Variants in APCDD1 observed in about 807,000 individuals in gnomAD.
APCDD1 encodes the protein APC down-regulated 1.
APCDD1 carries 15 observed loss-of-function variants against 38.1 expected under a neutral mutation model. The observed-to-expected ratio is 0.39, with a 90% CI of 0.26 to 0.61. The LOEUF (loss-of-function observed/expected upper bound fraction) is 0.61, where lower values mean the gene tolerates loss of function less well. Among genes scored for constraint, APCDD1 ranks in the 20% least tolerant of loss-of-function variants. APCDD1 has a pLI of 0.49. For missense variants in APCDD1, 647 were observed against 696.2 expected, an observed-to-expected ratio of 0.93 and a Z score of 0.79; for synonymous variants, 261 against 279.7, an observed-to-expected ratio of 0.93 and a Z score of 0.67.
Position 10,485,859 on chromosome 18 carries a change from G to A in APCDD1, c.1096+76G>A, listed in dbSNP as rs9949016. On this transcript the variant is annotated intron_variant, in intron 4 of 4. Coordinates refer to ENST00000355285, the MANE Select transcript of APCDD1 (RefSeq NM_153000.5). The surrounding 1 kb of genome is among the most constrained non-coding windows in gnomAD (Gnocchi z 5.8). ...GACATTTTTGTGGAGGCAGAGCTGA[G>A]GGAAAGGACCTCTTTTCTGCCTGAG... is the stretch of plus-strand genomic sequence containing the variant. 7,739 of 1,500,564 alleles carry A rather than the reference G, an allele frequency of 5.2e-3. 298 individuals carry two copies. In the African/African-American group the frequency reaches 0.087, roughly 17 times the overall value. 93.0% of individuals were successfully genotyped at this position (1,500,564 alleles called of 1,614,324 possible). A position where few individuals can be genotyped will look rare whatever the true frequency, so the allele number is the denominator to read the frequency against.
Position 10,472,620 on chromosome 18 carries a change from C to T in APCDD1, c.774+559C>T, listed in dbSNP as rs188487723. ...TGCTGAGGTCCCAGGGGTTATGGCT[C>T]CTGCCCAGGCCACGCGGCTACTGAG... On this transcript the variant is annotated intron_variant, in intron 3 of 4. Coordinates refer to ENST00000355285, the MANE Select transcript of APCDD1 (RefSeq NM_153000.5). The surrounding 1 kb of genome is among the most constrained non-coding windows in gnomAD (Gnocchi z 6.6). Among the ~76,000 whole-genome samples the T allele has an allele frequency of 1.3e-5, 2 of 152,268 alleles. No individual in the cohort carries two copies. Among genetic ancestry groups the T allele is most frequent in the East Asian group, 3.9e-4 (2 of 5,180 alleles).
intron 1 of APCDD1, among the ~76,000 whole-genome samples, chr18:10,462,225 A>G (rs1406098561): frequency 2.0e-5 from 3 of 152,214 alleles, no homozygotes; most frequent in Non-Finnish European, 4.4e-5. Context: ...TAATAGGTGT[A>G]CTCACACGGG....
chr18:10,477,907 AC>A (rs2031042746), intron 3 of APCDD1: 2 of 152,216 alleles, frequency 1.3e-5, no homozygotes, highest in South Asian at 4.1e-4. Flanking sequence ...CTCTTAAAGA[AC>A]CATCTTCTTA....
Position 10,488,662 on chromosome 18 carries a change from A to G in APCDD1, c.*624A>G, listed in dbSNP as rs1482184681. On this transcript the variant is annotated 3_prime_UTR_variant, in exon 5 of 5. Transcript: ENST00000355285. ...CTTTCATTTCAGAAATGTTGCGTGG[A>G]AAAGTATCTGTAATTAAAGTTTCGA... is the stretch of plus-strand genomic sequence containing the variant. 1.3e-5 allele frequency: 2 copies of G among 152,326 alleles called. No homozygotes were observed. The highest frequency in any genetic ancestry group is 4.8e-5 in the African/African-American group (2 of 41,462). 9.4% of individuals were successfully genotyped at this position (152,326 alleles called of 1,614,324 possible).
At chr18:10,456,404 C>G (rs534606139) in intron 1 of APCDD1, among the ~76,000 whole-genome samples, 15 of 152,226 alleles carry the variant, frequency 9.9e-5, no homozygotes, top group Admixed American at 4.6e-4. Context: ...ACAGATCAAA[C>G]AGCAGCTGCC....
rs546187326 is a variant in APCDD1 at position 10,485,377 on chromosome 18, G to A, written c.775-85G>A. ...GTCAGTGATGGTGATCTGGTGCCTG[G>A]TGAGACCCCATTTGCCGGAAGCATG... On this transcript the variant is annotated intron_variant, in intron 3 of 4. Transcript: ENST00000355285. The surrounding 1 kb of genome is among the most constrained non-coding windows in gnomAD (Gnocchi z 5.8). The A allele has an allele frequency of 2.7e-6, 4 of 1,477,406 alleles. No individual in the cohort carries two copies. The highest frequency in any genetic ancestry group is 4.5e-5 in the East Asian group (2 of 44,298). The allele number at this position is 1,477,406 out of a possible 1,614,324, so 91.5% of individuals were successfully genotyped here. A position where few individuals can be genotyped will look rare whatever the true frequency, so the allele number is the denominator to read the frequency against.
At position 10,487,898 on chromosome 18, in the gene APCDD1, T is replaced by G; in HGVS notation, c.1405T>G (p.Ser469Ala). ...YQMPLVQCAS[S>A]SPRAEDLAED... ...GATGCCCTTGGTCCAGTGTGCCTCC[T>G]CTTCGCCGAGGGCAGAGGACCTCGC... Residue 469 changes from serine to alanine, a missense_variant, in exon 5 of 5, where the codon TCT becomes GCT. Physicochemically the swap from Ser to Ala is moderately conservative, Grantham distance 99. Transcript: ENST00000355285. 1 of 1,613,386 alleles carries G rather than the reference T, an allele frequency of 6.2e-7. No individual in the cohort carries two copies. Among genetic ancestry groups the G allele is most frequent in the Non-Finnish European group, 8.5e-7 (1 of 1,179,710 alleles).
Position 10,454,752 on chromosome 18 carries a change from G to A in APCDD1, c.-230G>A, listed in dbSNP as rs1456145178. On this transcript the variant is annotated 5_prime_UTR_variant, in exon 1 of 5. Transcript: ENST00000355285. ...AGAAGTCGGGGCGGGCGGCAGAGAG[G>A]CCGGGACGCGGACCGGGCCGGGGCG... is the stretch of plus-strand genomic sequence containing the variant. The A allele has an allele frequency of 3.1e-6, 3 of 980,854 alleles. No individual in the cohort carries two copies. The highest frequency in any genetic ancestry group is 1.8e-5 in the African/African-American group (1 of 56,732). The allele number at this position is 980,854 out of a possible 1,614,324, so 60.8% of individuals were successfully genotyped here. A position where few individuals can be genotyped will look rare whatever the true frequency, so the allele number is the denominator to read the frequency against.
chr18:10,458,714 G>C (rs1394731262), intron 1 of APCDD1, among the ~76,000 whole-genome samples: 1 of 152,218 alleles, frequency 6.6e-6, no homozygotes. Flanking sequence ...GGGACAGACT[G>C]ATGACAATAT....
chr18:10,465,141 T>C (rs1242926985), intron 1 of APCDD1, among the ~76,000 whole-genome samples: 1 of 152,216 alleles, frequency 6.6e-6, no homozygotes, highest in East Asian at 1.9e-4. Flanking sequence ...GACTGCAAGA[T>C]ACCCATCTTT....
rs1415708977 is a variant in APCDD1, at chr18:10,476,164, G to T, written c.774+4103G>T. 6.6e-6 allele frequency: 1 copy of T among 152,220 alleles called. No homozygotes were observed. Among genetic ancestry groups the T allele is most frequent in the Admixed American group, 6.5e-5 (1 of 15,276 alleles). 9.4% of individuals were successfully genotyped at this position (152,220 alleles called of 1,614,324 possible). A position where few individuals can be genotyped will look rare whatever the true frequency, so the allele number is the denominator to read the frequency against. On this transcript the variant is annotated intron_variant, in intron 3 of 4. Coordinates refer to ENST00000355285, the MANE Select transcript of APCDD1 (RefSeq NM_153000.5). The surrounding 1 kb of genome is among the most constrained non-coding windows in gnomAD (Gnocchi z 5.8). ...TTTGAACTCTTCTACTTCCCTAATT[G>T]CTGGTCCATAGAGACCAAGCTGAAA...
chr18:10,480,125 A>C (rs1396578811), intron 3 of APCDD1, among the ~76,000 whole-genome samples: 1 of 152,172 alleles, frequency 6.6e-6, no homozygotes, highest in African/African-American at 2.4e-5. Flanking sequence ...ATTCGGGGAA[A>C]GGGGATGCCG....
At chr18:10,456,103 T>G (rs2030375342) in intron 1 of APCDD1, among the ~76,000 whole-genome samples, 1 of 152,202 alleles carries the variant, frequency 6.6e-6, no homozygotes, top group African/African-American at 2.4e-5. Flanking sequence ...GAAGAATTGT[T>G]AACCCACAAG....
At position 10,484,853 on chromosome 18, in the gene APCDD1, G is replaced by A. The variant is rs375104399; in HGVS notation, c.775-609G>A. Among the ~76,000 whole-genome samples, 4 of 152,124 alleles carry A rather than the reference G, an allele frequency of 2.6e-5. No homozygotes were observed. The East Asian group carries it at 7.7e-4, about 29-fold the overall frequency. ...ACACTTGGGTTGCTTCTACCTTTTGGTTATTGTAAATAACCCTGATGTGAA... is the reference window on the plus strand; with the variant it reads ...ACACTTGGGTTGCTTCTACCTTTTGATTATTGTAAATAACCCTGATGTGAA... On this transcript the variant is annotated intron_variant, in intron 3 of 4. Coordinates refer to ENST00000355285, the MANE Select transcript of APCDD1 (RefSeq NM_153000.5).
Position 10,454,847 on chromosome 18 carries a change from G to T in APCDD1, c.-135G>T. On this transcript the variant is annotated 5_prime_UTR_variant, in exon 1 of 5. Transcript: ENST00000355285. ...CCCGCGCCTAGCCCGCCGGGCATGG[G>T]GCGCGCGGCAGCCGCCTGAAGCCCC... 9.5e-7 allele frequency: 1 copy of T among 1,054,978 alleles called. No individual in the cohort carries two copies. Among genetic ancestry groups the T allele is most frequent in the South Asian group, 4.4e-5 (1 of 22,798 alleles). The allele number at this position is 1,054,978 out of a possible 1,614,324, so 65.4% of individuals were successfully genotyped here.
chr18:10,468,330 A>G lies in APCDD1; in HGVS notation c.59-139A>G, dbSNP rs3748417. On this transcript the variant is annotated intron_variant, in intron 1 of 4. Coordinates refer to ENST00000355285, the MANE Select transcript of APCDD1 (RefSeq NM_153000.5). The stretch of plus-strand genomic sequence containing the variant: ...TGGAATGTGCATCATACACGAGAGC[A>G]CGCACTGTGATGACACCTTGTAGAA... The G allele has an allele frequency of 0.15, 136,215 of 900,672 alleles. 11,469 individuals carry two copies. The highest frequency in any genetic ancestry group is 0.29 in the African/African-American group (17,895 of 61,360). The allele number at this position is 900,672 out of a possible 1,614,324, so 55.8% of individuals were successfully genotyped here.
In APCDD1 at chr18:10,485,707, C is replaced by T. The variant is rs1327001209; in HGVS notation, c.1020C>T (p.Ser340=). ...SDPVCKHPTF[S]IYARGRYSRG... ...CGGTGTGCAAGCACCCCACCTTCTC[C>T]ATCTACGCCCGGGGCCGCTACAGCC... The change falls in exon 4 of 5, where the codon TCC becomes TCT. Residue 340 remains serine, a synonymous_variant. Transcript: ENST00000355285. The surrounding 1 kb of genome is among the most constrained non-coding windows in gnomAD (Gnocchi z 5.8). 6.2e-7 allele frequency: 1 copy of T among 1,614,024 alleles called. No individual in the cohort carries two copies. The highest frequency in any genetic ancestry group is 8.5e-7 in the Non-Finnish European group (1 of 1,180,038).
At chr18:10,460,235 GA>G (rs2030498742) in intron 1 of APCDD1, among the ~76,000 whole-genome samples, 1 of 152,220 alleles carries the variant, frequency 6.6e-6, no homozygotes, top group African/African-American at 2.4e-5. Context: ...CTTTGTTGAG[GA>G]CGGGCACGGT....
Position 10,485,738 on chromosome 18 carries a change from G to A in APCDD1, c.1051G>A (p.Val351Ile), listed in dbSNP as rs116815061. ...CGCCCGGGGCCGCTACAGCCGCGGCGTCCTCTCGTCCAGGGTCATGGGAGG... is the reference window on the plus strand; with the variant it reads ...CGCCCGGGGCCGCTACAGCCGCGGCATCCTCTCGTCCAGGGTCATGGGAGG... ...IYARGRYSRG[V>I]LSSRVMGGTE... The change falls in exon 4 of 5, where the codon GTC becomes ATC. Residue 351 changes from valine (V) to isoleucine (I), a missense_variant. By Grantham distance (29) the Val-to-Ile change is conservative. Transcript: ENST00000355285. The surrounding 1 kb of genome is among the most constrained non-coding windows in gnomAD (Gnocchi z 5.8). 1,217 of 1,613,948 alleles carry A rather than the reference G, an allele frequency of 7.5e-4. 3 individuals carry two copies. In the African/African-American group the frequency reaches 0.014, roughly 18 times the overall value.
Sources: allele counts gnomAD v4.1 joint callset (sites outside exome capture counted in the v4.1 genomes callset), GRCh38; gene constraint gnomAD v4.1.1; non-coding constraint Gnocchi (gnomAD v3.1); transcripts MANE v1.5; gene names NCBI Gene and HGNC (gene_info 2026-07-23, HGNC 2026-07-21).